The following COP1 variants were observed in gnomAD, a reference collection of about 807,000 sequenced individuals.
The protein encoded by COP1 is E3 ubiquitin-protein ligase COP1.
COP1 carries 24 observed loss-of-function variants against 101.3 expected under a neutral mutation model. That is an observed-to-expected ratio of 0.24 (90% CI 0.17 to 0.33). The LOEUF is 0.33. Among genes scored for constraint, COP1 ranks in the 10% least tolerant of loss-of-function variants. The pLI is 1.00. For synonymous variants in COP1, 347 were observed against 341.9 expected (o/e 1.01, Z -0.17); for missense variants, 663 against 906.2 (o/e 0.73, Z 3.45).
chr1:175,969,436 T>C (rs1426424007), intron 18 of COP1, among the ~76,000 whole-genome samples: 2 of 152,254 alleles, frequency 1.3e-5, no homozygotes, highest in East Asian at 3.9e-4. Context: ...GAGTTGCCTA[T>C]CCTTACCTGA....
At chr1:175,981,046 G>A (rs558446410) in intron 18 of COP1, among the ~76,000 whole-genome samples, 4 of 151,966 alleles carry the variant, frequency 2.6e-5, no homozygotes, top group African/African-American at 2.4e-5. Flanking sequence ...ATATATATAC[G>A]TTCCCTTACC....
At chr1:175,998,280 G>C (rs1660763256) in intron 15 of COP1, among the ~76,000 whole-genome samples, 1 of 150,162 alleles carries the variant, frequency 6.7e-6, no homozygotes, top group Non-Finnish European at 1.5e-5. Context: ...ATGGACACAG[G>C]AAGGGGAACA....
chr1:176,062,757 T>A (rs1215659167), intron 11 of COP1, among the ~76,000 whole-genome samples: 3 of 76,762 alleles, frequency 3.9e-5, no homozygotes, highest in Non-Finnish European at 5.5e-5. Context: ...ATAAATAAAC[T>A]GTACAATTAT....
intron 6 of COP1, 25 bp from the exon 7 acceptor site, chr1:176,136,572 G>GAA: frequency 7.4e-7 from 1 of 1,355,898 alleles, no homozygotes. Flanking sequence ...GAGAGAGAAA[G>GAA]ACAAAAAAAA....
chr1:176,165,376 GT>G (rs1694948107), intron 3 of COP1, among the ~76,000 whole-genome samples: 5 of 146,110 alleles, frequency 3.4e-5, no homozygotes, highest in East Asian at 4.0e-4. Flanking sequence ...GTGTGTGTGT[GT>G]GTGTGTGTGT....
intron 3 of COP1, chr1:176,168,698 G>A (rs1393783608): frequency 6.1e-6 from 2 of 327,564 alleles, no homozygotes; most frequent in Non-Finnish European, 6.3e-6. Context: ...GAGAGGGAAA[G>A]AGAGCATTCA....
At chr1:176,136,975 T>C (rs191899781) in intron 6 of COP1, among the ~76,000 whole-genome samples, 2 of 152,140 alleles carry the variant, frequency 1.3e-5, no homozygotes, top group Non-Finnish European at 2.9e-5. Context: ...CTCCAACTTT[T>C]GAGCTCAAGC....
intron 15 of COP1, among the ~76,000 whole-genome samples, chr1:176,023,354 A>G (rs1318411837): frequency 3.9e-5 from 6 of 152,254 alleles, no homozygotes; most frequent in Non-Finnish European, 8.8e-5. Context: ...CAATACAGGA[A>G]TTATAAAGGA....
At chr1:176,037,077 G>A (rs981885612) in intron 14 of COP1, among the ~76,000 whole-genome samples, 1 of 152,100 alleles carries the variant, frequency 6.6e-6, no homozygotes, top group African/African-American at 2.4e-5. Context: ...CGCCCAGAAA[G>A]CTTCACTGAC....
intron 15 of COP1, among the ~76,000 whole-genome samples, chr1:176,008,525 C>T (rs1465195444): frequency 3.3e-5 from 5 of 152,104 alleles, no homozygotes. Context: ...TTTCCTTTAA[C>T]TCTTTGTGGT....
rs772202247 is a variant in COP1 at position 176,135,047 on chromosome 1, T to G, written c.931A>C (p.Thr311Pro). The change falls in exon 8 of 20, where the codon ACA becomes CCA. Residue 311 changes from threonine (T) to proline (P), a missense_variant. Physicochemically the swap from Thr to Pro is conservative, Grantham distance 38. Around this residue, in one of 4 missense-constraint regions of COP1, gnomAD observed 212 missense variants for 240.7 expected, o/e 0.88. Transcript: ENST00000367669. ...GLYSPVSEDS[T>P]VPQFEAPSPS... ...GAAGGAGCTTCAAATTGAGGCACTG[T>G]GCTATCCTCACTGACAGGAGAGTAT... 1.2e-6 allele frequency: 2 copies of G among 1,611,362 alleles called. No homozygotes were observed. Among genetic ancestry groups the G allele is most frequent in the African/African-American group, 1.3e-5 (1 of 74,950 alleles).
At chr1:175,977,868 C>T (rs535055347) in intron 18 of COP1, among the ~76,000 whole-genome samples, 79 of 152,022 alleles carry the variant, frequency 5.2e-4, no homozygotes, top group Admixed American at 1.2e-3. Context: ...CAGCATATTA[C>T]ACCAATTCAA....
intron 11 of COP1, among the ~76,000 whole-genome samples, chr1:176,057,798 C>T (rs1270933943): frequency 3.3e-5 from 5 of 151,532 alleles, no homozygotes; most frequent in African/African-American, 1.2e-4. Context: ...GGCCGCCCAT[C>T]GTCTGGGATG....
intron 18 of COP1, among the ~76,000 whole-genome samples, chr1:175,965,330 G>T (rs1470769953): frequency 6.6e-6 from 1 of 152,122 alleles, no homozygotes; most frequent in Non-Finnish European, 1.5e-5. Flanking sequence ...AAGAAATACA[G>T]ATATAAGATA....
intron 14 of COP1, among the ~76,000 whole-genome samples, chr1:176,041,686 C>T (rs1670562461): frequency 6.6e-6 from 1 of 152,122 alleles, no homozygotes; most frequent in Non-Finnish European, 1.5e-5. Context: ...AAACAGTAGG[C>T]CGGGCATGGT....
chr1:176,036,765 T>A (rs867876046), intron 14 of COP1, among the ~76,000 whole-genome samples: 2 of 152,190 alleles, frequency 1.3e-5, no homozygotes, highest in African/African-American at 4.8e-5. Flanking sequence ...TTTTGCTTAA[T>A]TGTAGGCCAA....
At chr1:176,140,591 G>A (rs1449656069) in intron 6 of COP1, among the ~76,000 whole-genome samples, 3 of 152,172 alleles carry the variant, frequency 2.0e-5, no homozygotes, top group Admixed American at 2.0e-4. Context: ...CTTCAAGGAT[G>A]TGGAAAGAAG....
At chr1:176,101,805 C>T (rs961501197) in intron 9 of COP1, among the ~76,000 whole-genome samples, 2 of 152,204 alleles carry the variant, frequency 1.3e-5, no homozygotes, top group Non-Finnish European at 1.5e-5. Flanking sequence ...CAGATGATGG[C>T]CCCTTTTGAT....
At chr1:176,158,368 G>A (rs1035335142) in intron 5 of COP1, among the ~76,000 whole-genome samples, 2 of 151,978 alleles carry the variant, frequency 1.3e-5, no homozygotes, top group Non-Finnish European at 2.9e-5. Flanking sequence ...GCCTCTCGCC[G>A]TCCTGCACTA....
Sources: allele counts gnomAD v4.1 joint callset (sites outside exome capture counted in the v4.1 genomes callset), GRCh38; gene constraint gnomAD v4.1.1; regional missense constraint gnomAD v4.1.1; transcripts MANE v1.5; gene names NCBI Gene and HGNC (gene_info 2026-07-23, HGNC 2026-07-21).